LAMA2: variants seen among roughly 807,000 people sequenced by gnomAD.
LAMA2 encodes the protein laminin subunit alpha-2.
A neutral mutation model predicts 364.8 loss-of-function variants in LAMA2; 269 were observed. The observed-to-expected ratio is 0.74, with a 90% CI of 0.67 to 0.82. The LOEUF is 0.82. Among genes scored for constraint, LAMA2 ranks in the 40% least tolerant of loss-of-function variants. The probability of loss-of-function intolerance (pLI) is 0.00; values close to 1 mark genes in which losing one functional copy is unlikely to be tolerated. For synonymous variants in LAMA2, 1,379 were observed against 1,370.6 expected (o/e 1.01, Z -0.14); for missense variants, 3,807 against 3,873.2 (o/e 0.98, Z 0.45).
At chr6:128,969,382 A>G (rs551333110) in intron 1 of LAMA2, among the ~76,000 whole-genome samples, 1 of 152,290 alleles carries the variant, frequency 6.6e-6, no homozygotes, top group East Asian at 1.9e-4. Flanking sequence ...TTAATATTAT[A>G]TTACAACTTC....
intron 17 of LAMA2, among the ~76,000 whole-genome samples, chr6:129,275,756 AAATT>A (rs1318784655): frequency 1.3e-5 from 2 of 151,854 alleles, no homozygotes; most frequent in South Asian, 2.1e-4. Context: ...GTTTTTTAAA[AAATT>A]AATAAGTCGT....
intron 21 of LAMA2, among the ~76,000 whole-genome samples, chr6:129,298,409 A>G (rs1348067142): frequency 6.6e-6 from 1 of 152,212 alleles, no homozygotes; most frequent in Non-Finnish European, 1.5e-5. Context: ...AAATGCAGGC[A>G]GAGGTTTCTA....
chr6:129,136,168 A>C (rs937512733), intron 4 of LAMA2, among the ~76,000 whole-genome samples: 1 of 152,078 alleles, frequency 6.6e-6, no homozygotes, highest in Non-Finnish European at 1.5e-5. Flanking sequence ...TCTTTCACTC[A>C]ATTCTGTGGA....
At chr6:129,173,849 A>G (rs187258704) in intron 9 of LAMA2, among the ~76,000 whole-genome samples, 3 of 152,118 alleles carry the variant, frequency 2.0e-5, no homozygotes, top group Non-Finnish European at 2.9e-5. Flanking sequence ...GGGAAATACG[A>G]TGTATTTCTT....
At chr6:129,433,443 A>G (rs1358932996) in intron 41 of LAMA2, among the ~76,000 whole-genome samples, 1 of 152,174 alleles carries the variant, frequency 6.6e-6, no homozygotes, top group Admixed American at 6.5e-5. Flanking sequence ...TAGAAATCTC[A>G]AGAAGCCAAA....
intron 4 of LAMA2, among the ~76,000 whole-genome samples, chr6:129,142,716 A>G (rs1249437943): frequency 6.6e-6 from 1 of 151,996 alleles, no homozygotes; most frequent in Non-Finnish European, 1.5e-5. Context: ...TTTTACAGTT[A>G]TACCTGTAAA....
intron 1 of LAMA2, among the ~76,000 whole-genome samples, chr6:129,046,387 AAAG>A (rs1296502907): frequency 6.6e-6 from 1 of 152,200 alleles, no homozygotes; most frequent in Non-Finnish European, 1.5e-5. Context: ...GGTGGAAGGC[AAAG>A]AAGTAACAAA....
At chr6:129,377,733 G>T (rs1295113806) in intron 34 of LAMA2, among the ~76,000 whole-genome samples, 1 of 152,164 alleles carries the variant, frequency 6.6e-6, no homozygotes, top group African/African-American at 2.4e-5. Context: ...CAGTAGTTAG[G>T]TTTGCTCCAT....
chr6:129,247,890 G>A (rs1785874032), intron 12 of LAMA2, among the ~76,000 whole-genome samples: 1 of 152,104 alleles, frequency 6.6e-6, no homozygotes, highest in African/African-American at 2.4e-5. Flanking sequence ...CCTGCATGAG[G>A]AGCCCCTATT....
intron 57 of LAMA2, 86 bp from the exon 58 acceptor site, chr6:129,492,229 C>T (rs1784903931): frequency 2.7e-6 from 4 of 1,473,910 alleles, no homozygotes; most frequent in Non-Finnish European, 9.5e-7. Flanking sequence ...CACTAATGGA[C>T]TTAAAAAGGC....
chr6:129,506,160 C>CTGGCCA (rs2114905232), intron 61 of LAMA2, among the ~76,000 whole-genome samples: 2 of 151,928 alleles, frequency 1.3e-5, no homozygotes, highest in East Asian at 3.9e-4. Flanking sequence ...CAAGATGAGC[C>CTGGCCA]TGGCCATCAT....
intron 40 of LAMA2, among the ~76,000 whole-genome samples, chr6:129,415,153 C>T (rs369966149): frequency 2.3e-4 from 35 of 152,194 alleles, no homozygotes; most frequent in African/African-American, 7.7e-4. Flanking sequence ...CTTTTTTCCT[C>T]GTCCTCTCAG....
intron 1 of LAMA2, among the ~76,000 whole-genome samples, chr6:128,966,054 G>A (rs1279143818): frequency 7.4e-6 from 1 of 135,758 alleles, no homozygotes; most frequent in Admixed American, 8.0e-5. Context: ...TTGTCAATAA[G>A]GAATTGAGAT....
At chr6:129,231,318 C>G (rs926968435) in intron 12 of LAMA2, among the ~76,000 whole-genome samples, 1 of 151,914 alleles carries the variant, frequency 6.6e-6, no homozygotes, top group Non-Finnish European at 1.5e-5. Flanking sequence ...TAAATAGTTG[C>G]CTTATTTCTT....
rs184527315 is a variant in LAMA2, at chr6:129,514,299, C to G, written c.8989-74C>G. ...CTGATGTCTTTCCTAGAGACCTGAT[C>G]ATTTGTATGTGTGAACCATCATGAT... is the stretch of plus-strand genomic sequence containing the variant. On this transcript the variant is annotated intron_variant, in intron 63 of 64. Coordinates refer to ENST00000421865, the MANE Select transcript of LAMA2 (RefSeq NM_000426.4). The G allele has an allele frequency of 1.7e-4, 179 of 1,070,250 alleles. 1 individual carries two copies. Among genetic ancestry groups the G allele is most frequent in the South Asian group, 1.5e-3 (114 of 76,398 alleles). The allele number at this position is 1,070,250 out of a possible 1,614,324, so 66.3% of individuals were successfully genotyped here.
At chr6:129,432,699 C>T (rs1450459591) in intron 41 of LAMA2, among the ~76,000 whole-genome samples, 1 of 152,126 alleles carries the variant, frequency 6.6e-6, no homozygotes, top group East Asian at 1.9e-4. Context: ...AATTTTCTTG[C>T]TGGGCAAAAG....
intron 12 of LAMA2, among the ~76,000 whole-genome samples, chr6:129,216,859 A>G (rs184393791): frequency 3.9e-5 from 6 of 152,342 alleles, no homozygotes. Context: ...TTTAAAAATT[A>G]GATCTTGGAG....
At chr6:129,091,624 A>T (rs536769421) in intron 3 of LAMA2, among the ~76,000 whole-genome samples, 4 of 152,206 alleles carry the variant, frequency 2.6e-5, no homozygotes, top group Non-Finnish European at 4.4e-5. Context: ...TGACAATTAC[A>T]AATCGTTTCA....
At chr6:129,282,866 T>C (rs1375376826) in intron 18 of LAMA2, among the ~76,000 whole-genome samples, 1 of 152,120 alleles carries the variant, frequency 6.6e-6, no homozygotes, top group African/African-American at 2.4e-5. Flanking sequence ...CTTTCAGAGC[T>C]CGGGGTCTGG....
Sources: allele counts gnomAD v4.1 joint callset (sites outside exome capture counted in the v4.1 genomes callset), GRCh38; gene constraint gnomAD v4.1.1; transcripts MANE v1.5; gene names NCBI Gene and HGNC (gene_info 2026-07-23, HGNC 2026-07-21).